Variants in GLIS3 observed in about 807,000 individuals in gnomAD.
The protein encoded by GLIS3 is GLIS family zinc finger 3, also known as zinc finger protein GLIS3.
A neutral mutation model predicts 78.6 loss-of-function variants in GLIS3; 53 were observed. The ratio of observed to expected loss-of-function variants is 0.67; its 90% CI spans 0.54 to 0.85. The LOEUF (loss-of-function observed/expected upper bound fraction) is 0.85. GLIS3 is among the 40% of genes least tolerant of loss of function. The probability of loss-of-function intolerance (pLI) is 0.00; values close to 1 mark genes in which losing one functional copy is unlikely to be tolerated. For synonymous variants in GLIS3, 684 were observed against 509.9 expected (o/e 1.34, Z -4.60); for missense variants, 1,703 against 1,231.1 (o/e 1.38, Z -5.74).
chr9:4,137,574 G>A (rs558472951), intron 2 of GLIS3, among the ~76,000 whole-genome samples: 4 of 103,428 alleles, frequency 3.9e-5, no homozygotes, highest in South Asian at 3.1e-4. Flanking sequence ...CCACCACTGG[G>A]CACTCCCAGT....
intron 2 of GLIS3, among the ~76,000 whole-genome samples, chr9:4,246,810 T>G (rs1823847679): frequency 6.6e-6 from 1 of 152,234 alleles, no homozygotes; most frequent in African/African-American, 2.4e-5. Context: ...TTTGGACCCC[T>G]GACATAAAAC....
intron 4 of GLIS3, among the ~76,000 whole-genome samples, chr9:4,012,393 G>A (rs575181731): frequency 2.0e-5 from 3 of 152,094 alleles, no homozygotes; most frequent in South Asian, 2.1e-4. Context: ...GATTCTTTTC[G>A]GTGATGGTTA....
At chr9:4,391,273 C>T in the GLIS3 span, among the ~76,000 whole-genome samples, 1 of 152,198 alleles carries the variant, frequency 6.6e-6, no homozygotes, top group Non-Finnish European at 1.5e-5. Flanking sequence ...AGCCTGCCTC[C>T]AGGTTTCCTT....
intron 2 of GLIS3, among the ~76,000 whole-genome samples, chr9:4,205,774 C>T (rs1361388872): frequency 6.6e-6 from 1 of 152,166 alleles, no homozygotes; most frequent in Non-Finnish European, 1.5e-5. Context: ...TCCAACAAGA[C>T]AAGACTAAGA....
At chr9:4,237,360 T>C (rs1213380686) in intron 2 of GLIS3, among the ~76,000 whole-genome samples, 1 of 152,168 alleles carries the variant, frequency 6.6e-6, no homozygotes, top group Non-Finnish European at 1.5e-5. Flanking sequence ...ATGGCAACTT[T>C]ACATTAACTG....
At chr9:4,370,422 C>T in the GLIS3 span, among the ~76,000 whole-genome samples, 2 of 151,876 alleles carry the variant, frequency 1.3e-5, no homozygotes, top group African/African-American at 4.8e-5. Flanking sequence ...CTTGGGTTCT[C>T]GTTAGATTTT....
At chr9:4,408,493 C>T in the GLIS3 span, among the ~76,000 whole-genome samples, 1 of 150,998 alleles carries the variant, frequency 6.6e-6, no homozygotes, top group Non-Finnish European at 1.5e-5. Flanking sequence ...CTTTTGGAGG[C>T]TGAGGCGGGC....
chr9:4,089,797 C>T (rs187554909), intron 4 of GLIS3, among the ~76,000 whole-genome samples: 189 of 152,092 alleles, frequency 1.2e-3, no homozygotes, highest in Non-Finnish European at 2.4e-3. Context: ...CTAGCCTGGG[C>T]AACAAACAAG....
chr9:4,464,631 G>C, the GLIS3 span, among the ~76,000 whole-genome samples: 1 of 152,172 alleles, frequency 6.6e-6, no homozygotes, highest in African/African-American at 2.4e-5. Context: ...CTGACCTCAA[G>C]TGATCCACCT....
At chr9:4,067,467 A>C (rs776529422) in intron 4 of GLIS3, among the ~76,000 whole-genome samples, 3 of 152,214 alleles carry the variant, frequency 2.0e-5, no homozygotes, top group Non-Finnish European at 4.4e-5. Context: ...GAAAGAGCAC[A>C]GAACACAGAA....
chr9:3,935,265 A>G (rs568253951), intron 5 of GLIS3, among the ~76,000 whole-genome samples: 24 of 152,178 alleles, frequency 1.6e-4, no homozygotes, highest in Admixed American at 6.5e-4. Context: ...AAATGCAGTA[A>G]AAAATTTAAA....
the GLIS3 span, among the ~76,000 whole-genome samples, chr9:4,359,073 C>T: frequency 1.3e-5 from 2 of 152,284 alleles, no homozygotes; most frequent in South Asian, 4.2e-4. Context: ...TTCCAAGTAC[C>T]TCATTCTGGT....
intron 4 of GLIS3, among the ~76,000 whole-genome samples, chr9:4,043,431 G>T (rs971992837): frequency 6.6e-6 from 1 of 152,074 alleles, no homozygotes; most frequent in African/African-American, 2.4e-5. Flanking sequence ...GCTGTGGTAG[G>T]ATTCCCAGGA....
chr9:3,859,612 C>A (rs765472022), intron 8 of GLIS3, among the ~76,000 whole-genome samples: 3 of 152,182 alleles, frequency 2.0e-5, no homozygotes, highest in Non-Finnish European at 4.4e-5. Flanking sequence ...TCCCATTCAT[C>A]TTCAGTTACA....
At chr9:4,333,238 G>GAGGGAAAGGAAAGGAAA (rs1554659427) in intron 2 of GLIS3, among the ~76,000 whole-genome samples, 1 of 145,186 alleles carries the variant, frequency 6.9e-6, no homozygotes, top group Non-Finnish European at 1.5e-5. Context: ...AGGAAAAGTG[G>GAGGGAAAGGAAAGGAAA]AGGGGAAGGA....
chr9:4,488,477 G>GT, the GLIS3 span, among the ~76,000 whole-genome samples: 103 of 151,514 alleles, frequency 6.8e-4, no homozygotes, highest in African/African-American at 1.8e-3. Context: ...TTTTCCAGCT[G>GT]TTTTTTTACT....
the GLIS3 span, among the ~76,000 whole-genome samples, chr9:4,392,197 A>G: frequency 6.6e-6 from 1 of 151,816 alleles, no homozygotes; most frequent in South Asian, 2.1e-4. Flanking sequence ...CGATGAGAGC[A>G]CATGGACACA....
intron 2 of GLIS3, among the ~76,000 whole-genome samples, chr9:4,195,645 C>G (rs1388990228): frequency 1.3e-5 from 2 of 152,278 alleles, no homozygotes; most frequent in Admixed American, 1.3e-4. Flanking sequence ...AGCGCCTGGT[C>G]CCATCGACCG....
intron 2 of GLIS3, among the ~76,000 whole-genome samples, chr9:4,175,410 A>G (rs969846792): frequency 1.1e-4 from 16 of 152,208 alleles, no homozygotes; most frequent in African/African-American, 3.9e-4. Context: ...CAGTTCTGGA[A>G]CTTATCCCAT....
Sources: allele counts gnomAD v4.1 joint callset (sites outside exome capture counted in the v4.1 genomes callset), GRCh38; gene constraint gnomAD v4.1.1; transcripts MANE v1.5; gene names NCBI Gene and HGNC (gene_info 2026-07-23, HGNC 2026-07-21).